ADGRL2: variants seen among roughly 807,000 people sequenced by gnomAD.
ADGRL2 encodes the protein calcium-independent alpha-latrotoxin receptor 2.
In ADGRL2, 44 loss-of-function variants were observed where a neutral mutation model predicts 157.4. The ratio of observed to expected loss-of-function variants is 0.28; its 90% confidence interval spans 0.22 to 0.36. ADGRL2 has a LOEUF of 0.36. Ranked by LOEUF, ADGRL2 falls within the 10% of genes least tolerant of loss-of-function variation. ADGRL2 has a pLI of 1.00. For missense variants in ADGRL2, 1,510 were observed against 1,768.9 expected, an observed-to-expected ratio of 0.85 and a Z score of 2.63; for synonymous variants, 585 against 624.7, an observed-to-expected ratio of 0.94 and a Z score of 0.95.
intron 1 of ADGRL2, among the ~76,000 whole-genome samples, chr1:81,720,615 A>T (rs1189224477): frequency 6.6e-6 from 1 of 152,112 alleles, no homozygotes; most frequent in East Asian, 1.9e-4. Flanking sequence ...AAGAGATATA[A>T]AATTAAATAT....
intron 3 of ADGRL2, among the ~76,000 whole-genome samples, chr1:81,594,333 A>G (rs2081190244): frequency 6.6e-6 from 1 of 152,214 alleles, no homozygotes; most frequent in African/African-American, 2.4e-5. Flanking sequence ...AAAAATAGTT[A>G]ATGAAACTCT....
chr1:81,576,552 G>A (rs2080801183), intron 2 of ADGRL2, among the ~76,000 whole-genome samples: 1 of 152,054 alleles, frequency 6.6e-6, no homozygotes, highest in African/African-American at 2.4e-5. Flanking sequence ...GTATTTATCT[G>A]GGTTACCGGG....
intron 2 of ADGRL2, among the ~76,000 whole-genome samples, chr1:81,785,762 G>A (rs2087014296): frequency 6.6e-6 from 1 of 151,774 alleles, no homozygotes; most frequent in Non-Finnish European, 1.5e-5. Context: ...TTCCAAAACC[G>A]AACTAGCATG....
chr1:81,444,051 C>T (rs1416739464), intron 1 of ADGRL2, among the ~76,000 whole-genome samples: 5 of 152,104 alleles, frequency 3.3e-5, no homozygotes, highest in African/African-American at 1.2e-4. Context: ...CACTTGTAGC[C>T]AGAGTTTGCA....
chr1:81,963,817 T>A (rs4970641), intron 11 of ADGRL2, among the ~76,000 whole-genome samples: 150,487 of 151,218 alleles, frequency 1, 74,883 homozygotes, highest in Middle Eastern at 1. Context: ...GTATCCTATA[T>A]TTTTTTGTGA....
At chr1:81,803,387 T>C (rs920658628) in intron 1 of ADGRL2, among the ~76,000 whole-genome samples, 1 of 152,086 alleles carries the variant, frequency 6.6e-6, no homozygotes, top group African/African-American at 2.4e-5. Context: ...GGGAGAATAC[T>C]GGAAGCTTTA....
intron 1 of ADGRL2, among the ~76,000 whole-genome samples, chr1:81,705,436 C>T (rs1188329796): frequency 3.3e-5 from 5 of 151,924 alleles, no homozygotes; most frequent in Admixed American, 6.6e-5. Context: ...TTAGTGGAGA[C>T]GGGGTTTCAC....
intron 1 of ADGRL2, among the ~76,000 whole-genome samples, chr1:81,811,248 G>T (rs2089838056): frequency 6.6e-6 from 1 of 151,682 alleles, no homozygotes; most frequent in South Asian, 2.1e-4. Context: ...TGATATTTCT[G>T]TATGTTTTAG....
chr1:81,581,197 G>C (rs539435878), intron 3 of ADGRL2, among the ~76,000 whole-genome samples: 1 of 152,062 alleles, frequency 6.6e-6, no homozygotes, highest in Admixed American at 6.6e-5. Flanking sequence ...TACAAATAAG[G>C]TCAGCTTTGC....
At chr1:81,502,881 T>C in intron 2 of ADGRL2, 1 of 1,613,418 alleles carries the variant, frequency 6.2e-7, no homozygotes, top group Non-Finnish European at 8.5e-7. Flanking sequence ...TTCCCATCCT[T>C]GGGCTTGGCT....
intron 1 of ADGRL2, among the ~76,000 whole-genome samples, chr1:81,314,362 G>C (rs1368484780): frequency 2.6e-5 from 4 of 152,174 alleles, no homozygotes; most frequent in African/African-American, 9.7e-5. Flanking sequence ...ACAATGTCCA[G>C]TTTGCATTAA....
intron 2 of ADGRL2, among the ~76,000 whole-genome samples, chr1:81,461,968 A>C (rs1341835474): frequency 1.4e-5 from 2 of 145,522 alleles, no homozygotes; most frequent in African/African-American, 2.5e-5. Flanking sequence ...GAGACAAAGG[A>C]AGGGAAAGAG....
chr1:81,890,041 T>C (rs975748601), intron 2 of ADGRL2, among the ~76,000 whole-genome samples: 1 of 152,232 alleles, frequency 6.6e-6, no homozygotes, highest in Non-Finnish European at 1.5e-5. Flanking sequence ...ATGTGAATTT[T>C]GGGATCTTAT....
chr1:81,945,027 A>G (rs1023454394), intron 6 of ADGRL2, among the ~76,000 whole-genome samples: 1 of 151,964 alleles, frequency 6.6e-6, no homozygotes, highest in Non-Finnish European at 1.5e-5. Context: ...TTTTCCCTAA[A>G]TCAGGTTATG....
chr1:81,528,077 G>T (rs530018182), intron 2 of ADGRL2, among the ~76,000 whole-genome samples: 5 of 152,248 alleles, frequency 3.3e-5, no homozygotes, highest in Admixed American at 6.5e-5. Flanking sequence ...AAAAGAAAAA[G>T]AAAAGGAAAA....
At chr1:81,514,949 A>T (rs1268478576) in intron 2 of ADGRL2, 2 of 152,234 alleles carry the variant, frequency 1.3e-5, no homozygotes, top group Admixed American at 6.5e-5. Context: ...TGATAGAAAA[A>T]CAAGGACACA....
intron 11 of ADGRL2, among the ~76,000 whole-genome samples, chr1:81,959,298 A>G (rs1251719032): frequency 1.3e-5 from 2 of 152,146 alleles, no homozygotes; most frequent in African/African-American, 4.8e-5. Context: ...TGTCCATTCA[A>G]ATATACTTTT....
At chr1:81,352,838 G>A (rs971053337) in intron 1 of ADGRL2, among the ~76,000 whole-genome samples, 3 of 152,126 alleles carry the variant, frequency 2.0e-5, no homozygotes, top group African/African-American at 7.2e-5. Context: ...TTAAGTTTGA[G>A]TAGTAGAGTC....
In ADGRL2 at chr1:81,325,500, G is replaced by C. The variant is rs562909861; in HGVS notation, c.-302+18991G>C. 5.9e-5 allele frequency among the ~76,000 whole-genome samples: 9 copies of C among 152,272 alleles called. No individual in the cohort carries two copies. The South Asian group carries it at 1.9e-3, about 32-fold the overall frequency. Reference sequence around the variant, plus strand: ...TTAATTGTTGATTGCTACTGGGCAAGTCCCTCACACCTTTCTACCAGAAGG... The same window carrying C: ...TTAATTGTTGATTGCTACTGGGCAACTCCCTCACACCTTTCTACCAGAAGG... On this transcript the variant is annotated intron_variant, in intron 1 of 24. Transcript: ENST00000370721.
Sources: allele counts gnomAD v4.1 joint callset (sites outside exome capture counted in the v4.1 genomes callset), GRCh38; gene constraint gnomAD v4.1.1; transcripts MANE v1.5; gene names NCBI Gene and HGNC (gene_info 2026-07-23, HGNC 2026-07-21).